The following DCAF7 variants were observed in gnomAD, a reference collection of about 807,000 sequenced individuals.
DCAF7 encodes the protein DDB1 and CUL4 associated factor 7, also known as DDB1- and CUL4-associated factor 7.
Under a neutral mutation model 41.2 loss-of-function variants are expected in DCAF7, and 4 were observed. The observed-to-expected ratio is 0.10, with a 90% CI of 0.05 to 0.22. The LOEUF is 0.22. Among genes scored for constraint, DCAF7 ranks in the 10% least tolerant of loss-of-function variants. The probability of loss-of-function intolerance (pLI) is 1.00; values close to 1 mark genes in which losing one functional copy is unlikely to be tolerated. For synonymous variants in DCAF7, 143 were observed against 164.2 expected (o/e 0.87, Z 0.99); for missense variants, 131 against 443.2 (o/e 0.30, Z 6.32).
At position 63,589,121 on chromosome 17, in the gene DCAF7, C is replaced by T. The variant is rs200943688; in HGVS notation, c.978C>T (p.Pro326=). Residue 326 remains proline, a synonymous_variant, in exon 7 of 7, where the codon CCC becomes CCT. Coordinates refer to ENST00000614556, the MANE Select transcript of DCAF7 (RefSeq NM_005828.5). ...INNVQWASTQ[P]DWIAICYNNC... ...ATGTGCAGTGGGCATCAACTCAGCC[C>T]GACTGGATCGCCATCTGCTACAACA... The T allele has an allele frequency of 2.7e-4, 430 of 1,613,956 alleles. No individual in the cohort carries two copies. Among genetic ancestry groups the T allele is most frequent in the Non-Finnish European group, 3.4e-4 (397 of 1,179,892 alleles).
At position 63,550,940 on chromosome 17, in the gene DCAF7, T is replaced by G; in HGVS notation, c.138+125T>G. On this transcript the variant is annotated intron_variant, in intron 1 of 6. Coordinates refer to ENST00000614556, the MANE Select transcript of DCAF7 (RefSeq NM_005828.5). This position sits in a 1 kb window ranked among gnomAD's most constrained non-coding sequence, Gnocchi z 4.8. ...CGCCCTAGGGCCACGGAGCGGTTCC[T>G]CTGTCTGGCCCTGTGCTGAAGGTTT... 7.0e-7 allele frequency: 1 copy of G among 1,422,944 alleles called. No homozygotes were observed. Among genetic ancestry groups the G allele is most frequent in the East Asian group, 2.5e-5 (1 of 40,064 alleles). 88.1% of individuals were successfully genotyped at this position (1,422,944 alleles called of 1,614,324 possible). A position where few individuals can be genotyped will look rare whatever the true frequency, so the allele number is the denominator to read the frequency against.
At chr17:63,572,527 A>G (rs2033518805) in intron 1 of DCAF7, among the ~76,000 whole-genome samples, 1 of 152,184 alleles carries the variant, frequency 6.6e-6, no homozygotes, top group Admixed American at 6.5e-5. Flanking sequence ...AATGCTCACA[A>G]GATTGGATAT....
At chr17:63,580,049 A>G (rs569951994) in intron 4 of DCAF7, 106 bp downstream of exon 4, 2 of 785,956 alleles carry the variant, frequency 2.5e-6, no homozygotes, top group Non-Finnish European at 4.2e-6. Flanking sequence ...GTAGAAAATC[A>G]TAACATAACA....
intron 1 of DCAF7, among the ~76,000 whole-genome samples, chr17:63,573,570 C>CAA (rs60800701): frequency 1.4e-5 from 2 of 147,736 alleles, no homozygotes; most frequent in African/African-American, 5.0e-5. Context: ...ACGAAAAATA[C>CAA]AAAAAAAAAA....
chr17:63,558,382 C>G (rs969025628), intron 1 of DCAF7, among the ~76,000 whole-genome samples: 1 of 152,110 alleles, frequency 6.6e-6, no homozygotes, highest in Admixed American at 6.5e-5. Flanking sequence ...TGGGGATATA[C>G]TTAGGCATAT....
intron 5 of DCAF7, among the ~76,000 whole-genome samples, chr17:63,584,142 A>G (rs1016575168): frequency 1.8e-4 from 28 of 152,246 alleles, no homozygotes; most frequent in Non-Finnish European, 7.3e-5. Context: ...TAGTCTGGAC[A>G]GATTCATCTA....
chr17:63,550,845 T>C lies in DCAF7; in HGVS notation c.138+30T>C, dbSNP rs778959212. ...GCCGGGCAGGGGCTCGGAACCCAGC[T>C]GGCGGGGAGCGGGCCCCGGGAGCGC... is the stretch of plus-strand genomic sequence containing the variant. On this transcript the variant is annotated intron_variant, in intron 1 of 6. Transcript: ENST00000614556. The surrounding 1 kb of genome is among the most constrained non-coding windows in gnomAD (Gnocchi z 4.8). The C allele has an allele frequency of 6.2e-7, 1 of 1,605,524 alleles. No homozygotes were observed. Among genetic ancestry groups the C allele is most frequent in the South Asian group, 1.1e-5 (1 of 90,548 alleles).
At chr17:63,564,164 TACAC>T (rs1217212420) in intron 1 of DCAF7, among the ~76,000 whole-genome samples, 85 of 148,844 alleles carry the variant, frequency 5.7e-4, no homozygotes, top group African/African-American at 1.2e-3. Flanking sequence ...CACACACACA[TACAC>T]ATATATACAC....
chr17:63,578,682 G>A, intron 2 of DCAF7, 54 bp downstream of exon 2: 1 of 1,610,302 alleles, frequency 6.2e-7, no homozygotes, highest in Non-Finnish European at 8.5e-7. Context: ...AGCCTCAGCT[G>A]TTAGCAGTGA....
At chr17:63,578,711 G>A in intron 2 of DCAF7, 83 bp downstream of exon 2, 1 of 1,574,490 alleles carries the variant, frequency 6.4e-7, no homozygotes, top group South Asian at 1.1e-5. Flanking sequence ...AGAACAGACA[G>A]GGGTCAGAGG....
chr17:63,577,881 T>C (rs887771399), intron 1 of DCAF7, among the ~76,000 whole-genome samples: 1 of 152,168 alleles, frequency 6.6e-6, no homozygotes, highest in African/African-American at 2.4e-5. Context: ...TGCACTTATG[T>C]AGTTGGAGTC....
At chr17:63,551,312 C>CCT (rs1397728347) in intron 1 of DCAF7, among the ~76,000 whole-genome samples, 1 of 148,108 alleles carries the variant, frequency 6.8e-6, no homozygotes, top group Non-Finnish European at 1.5e-5. Flanking sequence ...CTCCCACCCC[C>CCT]CCCGGGTACT....
At position 63,559,317 on chromosome 17, in the gene DCAF7, A is replaced by G. The variant is rs189737170; in HGVS notation, c.138+8502A>G. On this transcript the variant is annotated intron_variant, in intron 1 of 6. Transcript: ENST00000614556. ...CAGTGTGAGACCCATATATATATAT[A>G]TATGTATATATATATACATACATAT... 3.0e-3 allele frequency among the ~76,000 whole-genome samples: 273 copies of G among 92,014 alleles called. 4 individuals are homozygous for G. Among genetic ancestry groups the G allele is most frequent in the Admixed American group, 5.5e-3 (51 of 9,258 alleles). 60.4% of individuals were successfully genotyped at this position (92,014 alleles called of 152,430 possible).
rs958063641 is a variant in DCAF7, at chr17:63,581,244, A to G, written c.528+1301A>G. 1.6e-4 allele frequency among the ~76,000 whole-genome samples: 25 copies of G among 152,192 alleles called. 1 individual carries two copies. Among genetic ancestry groups the G allele is most frequent in the African/African-American group, 5.3e-4 (22 of 41,440 alleles). The stretch of plus-strand genomic sequence containing the variant: ...CAAGTTGAACAAGCGGCTACATTTT[A>G]GTTATATGACAACTTAGCCTGCTGT... On this transcript the variant is annotated intron_variant, in intron 4 of 6. Transcript: ENST00000614556.
intron 1 of DCAF7, among the ~76,000 whole-genome samples, chr17:63,574,036 C>T (rs1357599484): frequency 6.6e-6 from 1 of 152,152 alleles, no homozygotes; most frequent in Non-Finnish European, 1.5e-5. Flanking sequence ...CCAGCCTACC[C>T]TCAGCACACC....
intron 1 of DCAF7, among the ~76,000 whole-genome samples, chr17:63,551,553 G>C (rs980684237): frequency 6.6e-6 from 1 of 152,070 alleles, no homozygotes; most frequent in Non-Finnish European, 1.5e-5. Context: ...ATCCTTTATA[G>C]AAGCACGGTG....
intron 1 of DCAF7, among the ~76,000 whole-genome samples, chr17:63,560,046 A>T (rs560790940): frequency 6.6e-6 from 1 of 152,354 alleles, no homozygotes; most frequent in South Asian, 2.1e-4. Context: ...AATCACCAGG[A>T]GACCAGTCAC....
chr17:63,575,272 A>G (rs1192945437), intron 1 of DCAF7, among the ~76,000 whole-genome samples: 2 of 152,256 alleles, frequency 1.3e-5, no homozygotes, highest in African/African-American at 4.8e-5. Flanking sequence ...CGGAGGTTTC[A>G]GTAAGCGGAG....
intron 3 of DCAF7, 72 bp from the exon 4 acceptor site, chr17:63,579,753 A>G: frequency 1.5e-6 from 2 of 1,299,834 alleles, no homozygotes; most frequent in Non-Finnish European, 1.1e-6. Context: ...TGAGCAGATG[A>G]GTAAACACAA....
Sources: allele counts gnomAD v4.1 joint callset (sites outside exome capture counted in the v4.1 genomes callset), GRCh38; gene constraint gnomAD v4.1.1; non-coding constraint Gnocchi (gnomAD v3.1); transcripts MANE v1.5; gene names NCBI Gene and HGNC (gene_info 2026-07-23, HGNC 2026-07-21).